Variants in TMEM79 observed in about 807,000 individuals in gnomAD.
TMEM79 encodes the protein mattrin.
TMEM79 carries 30 observed loss-of-function variants against 31.2 expected under a neutral mutation model. That is an observed-to-expected ratio of 0.96 (90% CI 0.72 to 1.30). The LOEUF (loss-of-function observed/expected upper bound fraction) is 1.30, where lower values mean the gene tolerates loss of function less well. Ranked by LOEUF, TMEM79 falls within the 50% of genes most tolerant of loss-of-function variation. TMEM79 has a pLI of 0.00. For synonymous variants in TMEM79, 213 were observed against 229.5 expected (o/e 0.93, Z 0.65); for missense variants, 509 against 528.2 (o/e 0.96, Z 0.36).
In TMEM79 at chr1:156,285,173, G is replaced by A. The variant is rs1663113616; in HGVS notation, c.-43-11G>A. On this transcript the variant is annotated splice_polypyrimidine_tract_variant and intron_variant, in intron 1 of 3. Coordinates refer to ENST00000405535, the MANE Select transcript of TMEM79 (RefSeq NM_032323.3). ...GGGGTTTCTGACAGAGCTTTCCTCT[G>A]TTCCCTGCAGGATGACATGACCTTG... 6.6e-7 allele frequency: 1 copy of A among 1,509,812 alleles called. No individual in the cohort carries two copies. The highest frequency in any genetic ancestry group is 1.4e-5 in the African/African-American group (1 of 71,524). 93.5% of individuals were successfully genotyped at this position (1,509,812 alleles called of 1,614,324 possible).
At chr1:156,287,301 A>C (rs1433163575) in intron 3 of TMEM79, among the ~76,000 whole-genome samples, 1 of 152,150 alleles carries the variant, frequency 6.6e-6, no homozygotes, top group African/African-American at 2.4e-5. Context: ...CTGTAATCCC[A>C]GCTATTCAGG....
Position 156,286,321 on chromosome 1 carries a change from AC to A in TMEM79, c.820del (p.Arg274GlyfsTer52). 6.2e-7 allele frequency: 1 copy of A among 1,614,188 alleles called. No homozygotes were observed. Among genetic ancestry groups the A allele is most frequent in the Non-Finnish European group, 8.5e-7 (1 of 1,180,026 alleles). The stretch of plus-strand genomic sequence containing the variant: ...CTGCCCTTCGGCCCTTTGGGGAGCC[AC>A]GGCGGGAGGTGGAGATCCACCGGCG... Reference protein sequence around the residue: ...FSALRPFGEPRREVEIHRRYV... With the variant: ...FSALRPFGEPXREVEIHRRYV... On this transcript the variant is annotated frameshift_variant, in exon 3 of 4. Coordinates refer to ENST00000405535, the MANE Select transcript of TMEM79 (RefSeq NM_032323.3). LOFTEE classifies it high-confidence loss of function.
At chr1:156,291,244 A>G in intron 3 of TMEM79, 141 bp from the exon 4 acceptor site, 1 of 674,692 alleles carries the variant, frequency 1.5e-6, no homozygotes, top group Non-Finnish European at 2.6e-6. Flanking sequence ...AAGTGCATAA[A>G]CTTTGGCTGT....
intron 3 of TMEM79, chr1:156,290,762 G>T (rs955165267): frequency 6.6e-6 from 1 of 152,000 alleles, no homozygotes; most frequent in Non-Finnish European, 1.5e-5. Flanking sequence ...CCGGGAGGCG[G>T]AGGTTGCAGT....
At position 156,285,895 on chromosome 1, in the gene TMEM79, G is replaced by A. The variant is rs752012005; in HGVS notation, c.669G>A (p.Pro223=). The change falls in exon 2 of 4, where the codon CCG becomes CCA. Residue 223 remains proline (P), a synonymous_variant. Transcript: ENST00000405535. ...CLLYGAYAFL[P]FDVPRLPTMS... ...TATACGGGGCATATGCCTTCCTGCCGTTTGATGTCCCACGGCTGCCCACCA... is the reference window on the plus strand; with the variant it reads ...TATACGGGGCATATGCCTTCCTGCCATTTGATGTCCCACGGCTGCCCACCA... The A allele has an allele frequency of 6.6e-5, 106 of 1,613,828 alleles. 1 individual carries two copies. The highest frequency in any genetic ancestry group is 8.2e-5 in the Non-Finnish European group (97 of 1,180,004).
chr1:156,283,423 G>A (rs1307253025), upstream of TMEM79, among the ~76,000 whole-genome samples: 1 of 152,152 alleles, frequency 6.6e-6, no homozygotes, highest in Non-Finnish European at 1.5e-5. Flanking sequence ...TAGACACACA[G>A]AGGTGAGCAA....
At chr1:156,291,017 G>T in intron 3 of TMEM79, 2 of 232,432 alleles carry the variant, frequency 8.6e-6, no homozygotes, top group Admixed American at 5.0e-5. Context: ...GCCCGCATCT[G>T]TAATCCCAGC....
chr1:156,286,528 G>C (rs1366981930), intron 3 of TMEM79, 55 bp downstream of exon 3: 7 of 1,574,366 alleles, frequency 4.4e-6, no homozygotes, highest in Non-Finnish European at 5.2e-6. Context: ...AGAGAACCTA[G>C]GCATCTGAAT....
In TMEM79 at chr1:156,285,187, G is replaced by A; in HGVS notation, c.-40G>A. 6.6e-7 allele frequency: 1 copy of A among 1,514,542 alleles called. No individual in the cohort carries two copies. The highest frequency in any genetic ancestry group is 1.4e-5 in the South Asian group (1 of 74,052). 93.8% of individuals were successfully genotyped at this position (1,514,542 alleles called of 1,614,324 possible). A position where few individuals can be genotyped will look rare whatever the true frequency, so the allele number is the denominator to read the frequency against. On this transcript the variant is annotated 5_prime_UTR_variant, in exon 2 of 4. The change abolishes an upstream ATG in the 5' untranslated region. Transcript: ENST00000405535. The stretch of plus-strand genomic sequence containing the variant: ...AGCTTTCCTCTGTTCCCTGCAGGAT[G>A]ACATGACCTTGTGGTAGATCCCAGA...
At chr1:156,289,442 A>T (rs183559632) in intron 3 of TMEM79, among the ~76,000 whole-genome samples, 1 of 152,322 alleles carries the variant, frequency 6.6e-6, no homozygotes, top group African/African-American at 2.4e-5. Context: ...CCACGTCTCT[A>T]CTAAAAATAA....
At position 156,291,667 on chromosome 1, in the gene TMEM79, C is replaced by T. The variant is rs1239409721; in HGVS notation, c.*69C>T. 5.4e-6 allele frequency: 8 copies of T among 1,493,796 alleles called. No individual in the cohort carries two copies. The South Asian group carries it at 7.9e-5, about 15-fold the overall frequency. The allele number at this position is 1,493,796 out of a possible 1,614,324, so 92.5% of individuals were successfully genotyped here. A position where few individuals can be genotyped will look rare whatever the true frequency, so the allele number is the denominator to read the frequency against. On this transcript the variant is annotated 3_prime_UTR_variant, in exon 4 of 4. Coordinates refer to ENST00000405535, the MANE Select transcript of TMEM79 (RefSeq NM_032323.3). ...TCTGACACATCTTTGAACCTTGTGG[C>T]CAGGCCTGGACTTCGCCCCCAGGCC...
At chr1:156,289,937 A>G (rs879535550) in intron 3 of TMEM79, among the ~76,000 whole-genome samples, 2 of 152,128 alleles carry the variant, frequency 1.3e-5, no homozygotes, top group East Asian at 1.9e-4. Context: ...CTGCCCCTCA[A>G]ATTGGCAGAA....
rs1214919738 is a variant in TMEM79, at chr1:156,291,590, T to TG, written c.1181dup (p.Ter395LeufsTer21). On this transcript the variant is annotated frameshift_variant, in exon 4 of 4. Coordinates refer to ENST00000405535, the MANE Select transcript of TMEM79 (RefSeq NM_032323.3). LOFTEE classifies it high-confidence loss of function. ...GGCCTCCGACTACAGGCCCCGCCCC[T>TG]GGGGCTGAGCCTCTCCGCCCTCGCC... 1.2e-5 allele frequency: 20 copies of TG among 1,611,114 alleles called. No individual in the cohort carries two copies. The highest frequency in any genetic ancestry group is 5.0e-5 in the Admixed American group (3 of 59,922).
intron 1 of TMEM79, 91 bp from the exon 2 acceptor site, chr1:156,285,093 C>A: frequency 8.8e-7 from 1 of 1,141,672 alleles, no homozygotes; most frequent in Non-Finnish European, 1.2e-6. Flanking sequence ...ACCCATGAAG[C>A]CAGTTGCCCT....
At chr1:156,283,000 G>T, upstream of TMEM79, 1 of 508,188 alleles carries the variant, frequency 2.0e-6, no homozygotes, top group Non-Finnish European at 3.5e-6. Context: ...AACTTTATTG[G>T]CAAAGCTATC....
intron 3 of TMEM79, chr1:156,291,101 A>G (rs1215926466): frequency 4.9e-6 from 2 of 408,228 alleles, no homozygotes; most frequent in African/African-American, 4.0e-5. Flanking sequence ...TAGCAAGACC[A>G]TGTCTCTAAA....
chr1:156,291,494 T>G lies in TMEM79; in HGVS notation c.1081T>G (p.Phe361Val). 1 of 1,613,120 alleles carries G rather than the reference T, an allele frequency of 6.2e-7. No homozygotes were observed. Among genetic ancestry groups the G allele is most frequent in the Middle Eastern group, 1.6e-4 (1 of 6,062 alleles). ...GCTGATGTGGAACCTCTACTACATG[T>G]TCGTGGTGGAGCCGGAGCGCATGCT... ...SMLMWNLYYM[F>V]VVEPERMLTA... Residue 361 changes from phenylalanine to valine, a missense_variant, in exon 4 of 4, where the codon TTC becomes GTC. Physicochemically the swap from Phe to Val is conservative, Grantham distance 50. Transcript: ENST00000405535.
intron 1 of TMEM79, among the ~76,000 whole-genome samples, 153 bp from the exon 2 acceptor site, chr1:156,285,031 T>G (rs1219743641): frequency 6.6e-6 from 1 of 152,116 alleles, no homozygotes; most frequent in East Asian, 1.9e-4. Flanking sequence ...TCCCTCTGTT[T>G]CAGTGTCTTC....
chr1:156,291,951 T>G lies in TMEM79; in HGVS notation c.*353T>G, dbSNP rs1663351456. On this transcript the variant is annotated 3_prime_UTR_variant, in exon 4 of 4. Transcript: ENST00000405535. ...GCCACAAGGCTCCCTAATGCTGGTC[T>G]CTGCTCCACTCCCCGGCTTCCCGTG... 3.9e-6 allele frequency: 2 copies of G among 516,504 alleles called. No individual in the cohort carries two copies. Among genetic ancestry groups the G allele is most frequent in the Non-Finnish European group, 6.9e-6 (2 of 289,994 alleles). 32.0% of individuals were successfully genotyped at this position (516,504 alleles called of 1,614,324 possible).
Sources: allele counts gnomAD v4.1 joint callset (sites outside exome capture counted in the v4.1 genomes callset), GRCh38; gene constraint gnomAD v4.1.1; transcripts MANE v1.5; gene names NCBI Gene and HGNC (gene_info 2026-07-23, HGNC 2026-07-21).